Variants in CAPN10 observed in about 807,000 individuals in gnomAD.
CAPN10 encodes calpain-10.
A neutral mutation model predicts 78.4 loss-of-function variants in CAPN10; 71 were observed. The ratio of observed to expected loss-of-function variants is 0.91; its 90% confidence interval spans 0.75 to 1.10. The LOEUF is 1.10. Ranked by LOEUF, CAPN10 falls within the 50% of genes least tolerant of loss-of-function variation. The probability of loss-of-function intolerance (pLI) is 0.00; values close to 1 mark genes in which losing one functional copy is unlikely to be tolerated. For synonymous variants in CAPN10, 437 were observed against 407.2 expected (o/e 1.07, Z -0.88); for missense variants, 849 against 924.6 (o/e 0.92, Z 1.06).
chr2:240,595,513 T>C, intron 7 of CAPN10: 1 of 618,344 alleles, frequency 1.6e-6, no homozygotes, highest in Non-Finnish European at 2.8e-6. Flanking sequence ...TCTTTCTGCC[T>C]TGCCGTGTGC....
intron 1 of CAPN10, among the ~76,000 whole-genome samples, chr2:240,587,894 C>A (rs1304659026): frequency 6.6e-6 from 1 of 152,160 alleles, no homozygotes; most frequent in African/African-American, 2.4e-5. Context: ...TTTACAAGCT[C>A]ACTCTTGCTG....
chr2:240,588,870 C>G (rs886682195), intron 1 of CAPN10, among the ~76,000 whole-genome samples: 2 of 151,874 alleles, frequency 1.3e-5, no homozygotes, highest in African/African-American at 4.8e-5. Flanking sequence ...AGGGTCAGGT[C>G]CAGAAGCAGG....
intron 1 of CAPN10, 109 bp downstream of exon 1, chr2:240,587,161 C>T: frequency 1.8e-6 from 1 of 555,726 alleles, no homozygotes; most frequent in South Asian, 4.4e-5. Context: ...ACGCAGGGTC[C>T]GCCGTTGTTC....
Position 240,586,739 on chromosome 2 carries a change from A to G in CAPN10, c.-173A>G. The G allele has an allele frequency of 2.0e-6, 1 of 497,970 alleles. No homozygotes were observed. 30.8% of individuals were successfully genotyped at this position (497,970 alleles called of 1,614,324 possible). A position where few individuals can be genotyped will look rare whatever the true frequency, so the allele number is the denominator to read the frequency against. On this transcript the variant is annotated 5_prime_UTR_variant, in exon 1 of 12. Transcript: ENST00000391984. ...GCCGCCTGGTTACCAATGGGAGACT[A>G]GCGGGCCGGCGTACTGGCCTGGTCC... is the stretch of plus-strand genomic sequence containing the variant.
chr2:240,592,281 G>A (rs1386421922), intron 4 of CAPN10, 131 bp downstream of exon 4: 2 of 808,882 alleles, frequency 2.5e-6, no homozygotes, highest in Non-Finnish European at 4.1e-6. Context: ...AAGTAAGCTT[G>A]TTCTCAAGGG....
intron 8 of CAPN10, 30 bp from the exon 9 acceptor site, chr2:240,596,651 A>T: frequency 6.5e-7 from 1 of 1,530,726 alleles, no homozygotes; most frequent in African/African-American, 1.4e-5. Context: ...ACCTGCTGCC[A>T]GCGCCCTCCC....
chr2:240,587,493 T>C (rs1429489917), intron 1 of CAPN10, among the ~76,000 whole-genome samples: 1 of 152,276 alleles, frequency 6.6e-6, no homozygotes, highest in Admixed American at 6.5e-5. Flanking sequence ...TTTGTGCACC[T>C]GCCTTTCCAG....
At chr2:240,594,440 C>T (rs1168926544) in intron 5 of CAPN10, 103 bp from the exon 6 acceptor site, 2 of 1,238,860 alleles carry the variant, frequency 1.6e-6, no homozygotes, top group African/African-American at 3.0e-5. Flanking sequence ...CTGGCAGGAA[C>T]TCAGGGCTCT....
chr2:240,594,330 G>A (rs981115969), intron 5 of CAPN10: 4 of 637,596 alleles, frequency 6.3e-6, no homozygotes, highest in Non-Finnish European at 8.2e-6. Flanking sequence ...AAGTTCCTCT[G>A]GGAAAAGAGA....
chr2:240,593,607 C>T (rs2093116919), intron 4 of CAPN10, among the ~76,000 whole-genome samples: 1 of 152,248 alleles, frequency 6.6e-6, no homozygotes, highest in Non-Finnish European at 1.5e-5. Context: ...AGGCATCGTG[C>T]ACAGATGGGT....
chr2:240,598,274 TG>T, intron 10 of CAPN10, 77 bp from the exon 11 acceptor site: 1 of 1,532,542 alleles, frequency 6.5e-7, no homozygotes, highest in Non-Finnish European at 9.0e-7. Context: ...GAGAGTCTAG[TG>T]GGAGGTGGGC....
At chr2:240,589,574 C>G in intron 2 of CAPN10, 100 bp downstream of exon 2, 5 of 1,420,768 alleles carry the variant, frequency 3.5e-6, no homozygotes, top group Non-Finnish European at 4.7e-6. Context: ...AGAGCTGTGC[C>G]GCAGCCGGAT....
Position 240,593,949 on chromosome 2 carries a change from C to G in CAPN10, c.732C>G (p.Asp244Glu), listed in dbSNP as rs1278334046. The change falls in exon 5 of 12, where the codon GAC becomes GAG. Residue 244 changes from aspartate (D) to glutamate (E), a missense_variant. By Grantham distance (45) the Asp-to-Glu change is conservative (BLOSUM62 2). Transcript: ENST00000391984. ...LGEFHAFIVS[D>E]LRELQGQAGQ... ...AGTTCCATGCCTTCATTGTCTCGGA[C>G]CTGCGGGAGCTCCAGGGTCAGGCGG... is the stretch of plus-strand genomic sequence containing the variant. 1 of 1,609,864 alleles carries G rather than the reference C, an allele frequency of 6.2e-7. No individual in the cohort carries two copies. The highest frequency in any genetic ancestry group is 1.1e-5 in the South Asian group (1 of 90,788).
intron 6 of CAPN10, 46 bp downstream of exon 6, chr2:240,594,755 A>C: frequency 6.3e-7 from 1 of 1,577,100 alleles, no homozygotes; most frequent in Non-Finnish European, 8.6e-7. Context: ...TGCCTGCCGA[A>C]GTGAGGAGGC....
chr2:240,589,549 A>G, intron 2 of CAPN10, 75 bp downstream of exon 2: 1 of 1,521,952 alleles, frequency 6.6e-7, no homozygotes. Context: ...GAGTACCAGG[A>G]GGCCTTGCGA....
At chr2:240,595,480 C>G (rs1260813300) in intron 7 of CAPN10, 176 bp downstream of exon 7, 12 of 662,848 alleles carry the variant, frequency 1.8e-5, no homozygotes, top group Non-Finnish European at 3.1e-5. Context: ...CTCCCAGACC[C>G]GGCTCTGACC....
chr2:240,596,003 C>T lies in CAPN10; in HGVS notation c.1279-316C>T, dbSNP rs188593124. 21 of 1,438,744 alleles carry T rather than the reference C, an allele frequency of 1.5e-5. No individual in the cohort carries two copies. The East Asian group carries it at 4.3e-4, about 29-fold the overall frequency. 89.1% of individuals were successfully genotyped at this position (1,438,744 alleles called of 1,614,324 possible). On this transcript the variant is annotated intron_variant, in intron 7 of 11. Coordinates refer to ENST00000391984, the MANE Select transcript of CAPN10 (RefSeq NM_023083.4). ...GTGGCCCACATGATGTTCCTTTCCT[C>T]TTGCAAAAGAAGTTGCTGGAAGGCC...
rs747902580 is a variant in CAPN10 at position 240,596,922 on chromosome 2, A to G, written c.1723A>G (p.Ile575Val). The change falls in exon 9 of 12, where the codon ATC (isoleucine) becomes GTC (valine). Residue 575 changes from isoleucine to valine, a missense_variant. Physicochemically the swap from Ile to Val is conservative, Grantham distance 29 (BLOSUM62 3). Coordinates refer to ENST00000391984, the MANE Select transcript of CAPN10 (RefSeq NM_023083.4). ...GCCCAGTGACACCGAGTTCCACCCC[A>G]TCGGCTTCCATATCTTCCAGGCAAG... Reference protein sequence around the residue: ...CRPSDTEFHPIGFHIFQVPEG... With the variant: ...CRPSDTEFHPVGFHIFQVPEG... The G allele has an allele frequency of 9.9e-6, 16 of 1,613,292 alleles. No homozygotes were observed. In the Admixed American group the frequency reaches 2.2e-4, roughly 22 times the overall value.
intron 4 of CAPN10, among the ~76,000 whole-genome samples, chr2:240,593,462 G>T (rs532867280): frequency 1.3e-5 from 2 of 152,368 alleles, no homozygotes; most frequent in Admixed American, 6.5e-5. Context: ...GGGCCTCCAT[G>T]CCTCCAGTGG....
Sources: allele counts gnomAD v4.1 joint callset (sites outside exome capture counted in the v4.1 genomes callset), GRCh38; gene constraint gnomAD v4.1.1; transcripts MANE v1.5; gene names NCBI Gene and HGNC (gene_info 2026-07-23, HGNC 2026-07-21).